CMSS1: variants seen among roughly 807,000 people sequenced by gnomAD.
CMSS1 encodes cms1 ribosomal small subunit homolog.
In CMSS1, 33 loss-of-function variants were observed where a neutral mutation model predicts 43.5. The observed-to-expected ratio is 0.76, with a 90% CI of 0.57 to 1.01. CMSS1 has a LOEUF of 1.01. Ranked by LOEUF, CMSS1 falls within the 50% of genes least tolerant of loss-of-function variation. CMSS1 has a pLI of 0.00. For missense variants in CMSS1, 313 were observed against 326.4 expected (o/e 0.96, Z 0.32); for synonymous variants, 115 against 117.2 (o/e 0.98, Z 0.12).
intron 1 of CMSS1, chr3:100,040,997 T>C (rs1480384196): frequency 1.3e-5 from 2 of 152,238 alleles, no homozygotes; most frequent in Admixed American, 6.5e-5. Flanking sequence ...AAATCTGTCC[T>C]GAAGTATGTC....
At chr3:100,164,289 G>C (rs2067048888) in intron 4 of CMSS1, among the ~76,000 whole-genome samples, 1 of 152,166 alleles carries the variant, frequency 6.6e-6, no homozygotes, top group Admixed American at 6.5e-5. Context: ...TTCCATTCTA[G>C]TTCTTTGTTA....
At chr3:99,953,881 G>T (rs529318300) in intron 1 of CMSS1, among the ~76,000 whole-genome samples, 48 of 152,324 alleles carry the variant, frequency 3.2e-4, no homozygotes, top group African/African-American at 1.1e-3. Flanking sequence ...GCTGGAGGCA[G>T]AAGGCACCAA....
chr3:99,981,867 G>T (rs1462729191), intron 1 of CMSS1, among the ~76,000 whole-genome samples: 1 of 152,168 alleles, frequency 6.6e-6, no homozygotes, highest in East Asian at 1.9e-4. Context: ...GGCCAGGCAT[G>T]GTGGCTCACA....
At chr3:100,167,716 T>A (rs1345918831) in intron 5 of CMSS1, 22 bp from the exon 6 acceptor site, 2 of 1,535,798 alleles carry the variant, frequency 1.3e-6, no homozygotes, top group African/African-American at 1.4e-5. Context: ...TTCAAATAAT[T>A]GTTTTCTGTT....
chr3:100,071,122 G>A (rs1234635703), intron 1 of CMSS1, among the ~76,000 whole-genome samples: 3 of 56,366 alleles, frequency 5.3e-5, no homozygotes, highest in Non-Finnish European at 9.6e-5. Context: ...GGATGGATTA[G>A]CATTTCCAAA....
chr3:99,987,088 A>G (rs1002298447), intron 1 of CMSS1, among the ~76,000 whole-genome samples: 4 of 151,782 alleles, frequency 2.6e-5, no homozygotes, highest in African/African-American at 7.3e-5. Flanking sequence ...AAATTAGCCA[A>G]CCGTGGTGGC....
At chr3:99,905,937 A>T (rs1706601641) in intron 1 of CMSS1, among the ~76,000 whole-genome samples, 1 of 152,180 alleles carries the variant, frequency 6.6e-6, no homozygotes, top group Non-Finnish European at 1.5e-5. Flanking sequence ...TCATGCTTGT[A>T]GTCCCAGCAG....
intron 1 of CMSS1, among the ~76,000 whole-genome samples, chr3:99,899,688 C>T (rs1486387191): frequency 2.6e-5 from 4 of 152,184 alleles, no homozygotes; most frequent in Non-Finnish European, 2.9e-5. Flanking sequence ...GGACTCCCAC[C>T]TCCTTGATTG....
intron 1 of CMSS1, among the ~76,000 whole-genome samples, chr3:100,063,953 A>G (rs2065616945): frequency 6.6e-6 from 1 of 152,240 alleles, no homozygotes; most frequent in African/African-American, 2.4e-5. Context: ...ACATACCGTC[A>G]GCCAAACCCA....
chr3:100,147,204 C>G, intron 2 of CMSS1, 143 bp downstream of exon 2: 3 of 768,934 alleles, frequency 3.9e-6, no homozygotes, highest in Non-Finnish European at 5.8e-6. Context: ...TTGAAAAGGC[C>G]ATGGGCCATG....
chr3:99,825,863 C>T (rs35590972), intron 1 of CMSS1, among the ~76,000 whole-genome samples: 19,102 of 150,354 alleles, frequency 0.13, 1,786 homozygotes, highest in African/African-American at 0.26. Flanking sequence ...CTGCAACCTC[C>T]GCCTCCTGAG....
intron 3 of CMSS1, 146 bp downstream of exon 3, chr3:100,160,647 T>A (rs1576115365): frequency 3.5e-6 from 2 of 573,722 alleles, no homozygotes; most frequent in East Asian, 5.9e-5. Flanking sequence ...GTGACTTTCC[T>A]AAGGTCACTA....
Position 100,147,002 on chromosome 3 carries a change from A to T in CMSS1, c.94A>T (p.Thr32Ser), listed in dbSNP as rs34763458. ...ATCAGATGGTGAAGGAGAAGGAGAC[A>T]CAGAAGTGATGCAGCAGGAGACAGT... ...EASDGEGEGD[T>S]EVMQQETVPV... The change falls in exon 2 of 10, where the codon ACA (threonine) becomes TCA (serine). Residue 32 changes from threonine to serine, a missense_variant. By Grantham distance (58) the Thr-to-Ser change is moderately conservative (BLOSUM62 1). Coordinates refer to ENST00000421999, the MANE Select transcript of CMSS1 (RefSeq NM_032359.4). The T allele has an allele frequency of 6.2e-7, 1 of 1,613,886 alleles. No individual in the cohort carries two copies. Among genetic ancestry groups the T allele is most frequent in the Non-Finnish European group, 8.5e-7 (1 of 1,179,802 alleles).
At chr3:100,078,457 G>A (rs142146363) in intron 1 of CMSS1, among the ~76,000 whole-genome samples, 8 of 152,190 alleles carry the variant, frequency 5.3e-5, no homozygotes, top group East Asian at 1.9e-4. Context: ...AAATGTAGTC[G>A]TTTAAAACAG....
intron 1 of CMSS1, among the ~76,000 whole-genome samples, chr3:99,972,148 T>C (rs750479623): frequency 7.2e-5 from 11 of 152,316 alleles, no homozygotes; most frequent in East Asian, 1.9e-4. Flanking sequence ...TAGACTGATA[T>C]GCAAAGTGTG....
chr3:100,010,700 T>C (rs1187499071), intron 1 of CMSS1, among the ~76,000 whole-genome samples: 1 of 147,772 alleles, frequency 6.8e-6, no homozygotes, highest in African/African-American at 2.4e-5. Context: ...CTGCAACTTC[T>C]ACCTCCCGGG....
chr3:99,835,675 A>G (rs1316034024), intron 1 of CMSS1, among the ~76,000 whole-genome samples: 1 of 152,220 alleles, frequency 6.6e-6, no homozygotes, highest in Non-Finnish European at 1.5e-5. Context: ...CATTTTAAGA[A>G]ACATTGATAT....
At chr3:100,049,967 C>T (rs1035163884) in intron 1 of CMSS1, among the ~76,000 whole-genome samples, 3 of 152,124 alleles carry the variant, frequency 2.0e-5, no homozygotes, top group Non-Finnish European at 4.4e-5. Context: ...ACCCTAACTT[C>T]TGAGTTGTTC....
chr3:99,968,226 G>T (rs933853832), intron 1 of CMSS1, among the ~76,000 whole-genome samples: 8 of 152,118 alleles, frequency 5.3e-5, no homozygotes, highest in African/African-American at 1.9e-4. Context: ...GGCTGGGAGA[G>T]TAGTATGTTC....
Sources: allele counts gnomAD v4.1 joint callset (sites outside exome capture counted in the v4.1 genomes callset), GRCh38; gene constraint gnomAD v4.1.1; transcripts MANE v1.5; gene names NCBI Gene and HGNC (gene_info 2026-07-23, HGNC 2026-07-21).